TRPC4AP: variants seen among roughly 807,000 people sequenced by gnomAD.
The protein encoded by TRPC4AP is transient receptor potential cation channel subfamily C member 4 associated protein.
In TRPC4AP, 45 loss-of-function variants were observed where a neutral mutation model predicts 99.0. The ratio of observed to expected loss-of-function variants is 0.45; its 90% CI spans 0.36 to 0.58. The LOEUF is 0.58. Among genes scored for constraint, TRPC4AP ranks in the 20% least tolerant of loss-of-function variants. TRPC4AP has a pLI of 0.00. For synonymous variants in TRPC4AP, 408 were observed against 385.8 expected, an observed-to-expected ratio of 1.06 and a Z score of -0.67; for missense variants, 879 against 985.3, an observed-to-expected ratio of 0.89 and a Z score of 1.44.
chr20:35,074,472 T>C (rs549649469), intron 2 of TRPC4AP, among the ~76,000 whole-genome samples: 1 of 152,348 alleles, frequency 6.6e-6, no homozygotes, highest in South Asian at 2.1e-4. Context: ...ATGTCATGTC[T>C]TTGTTCTCAA....
chr20:35,085,336 G>T (rs974060338), intron 1 of TRPC4AP, among the ~76,000 whole-genome samples: 2 of 152,104 alleles, frequency 1.3e-5, no homozygotes, highest in Non-Finnish European at 2.9e-5. Context: ...ATTTGGGGCT[G>T]GGCACAGCGG....
At chr20:35,043,359 GC>G (rs1255507845) in intron 7 of TRPC4AP, among the ~76,000 whole-genome samples, 1 of 151,204 alleles carries the variant, frequency 6.6e-6, no homozygotes, top group African/African-American at 2.4e-5. Flanking sequence ...CAATTATCCT[GC>G]CTCAGCCTTC....
At chr20:35,056,865 A>G (rs1359201792) in intron 4 of TRPC4AP, among the ~76,000 whole-genome samples, 11 of 151,544 alleles carry the variant, frequency 7.3e-5, no homozygotes, top group African/African-American at 2.4e-4. Context: ...GGGCGCCTGT[A>G]ATCCCAGCTA....
At chr20:35,080,626 C>T (rs192859482) in intron 1 of TRPC4AP, among the ~76,000 whole-genome samples, 3 of 150,514 alleles carry the variant, frequency 2.0e-5, no homozygotes, top group African/African-American at 7.3e-5. Flanking sequence ...CCAGAATAAG[C>T]ATATCCAGAG....
intron 3 of TRPC4AP, among the ~76,000 whole-genome samples, chr20:35,068,533 C>T (rs1379962053): frequency 1.3e-5 from 2 of 152,036 alleles, no homozygotes; most frequent in African/African-American, 4.8e-5. Flanking sequence ...GAAACACTAA[C>T]CATTTAATTT....
chr20:35,080,804 G>GT (rs34370030), intron 1 of TRPC4AP, among the ~76,000 whole-genome samples: 125 of 49,524 alleles, frequency 2.5e-3, no homozygotes, highest in Non-Finnish European at 3.1e-3. Flanking sequence ...GTACACTTCA[G>GT]TTTTTTTTTT....
At chr20:35,092,213 G>A (rs991910483) in intron 1 of TRPC4AP, among the ~76,000 whole-genome samples, 2 of 151,840 alleles carry the variant, frequency 1.3e-5, no homozygotes, top group African/African-American at 4.8e-5. Flanking sequence ...TGAAATGCTC[G>A]GGAACCATTT....
intron 8 of TRPC4AP, among the ~76,000 whole-genome samples, chr20:35,024,273 C>A (rs764727299): frequency 9.2e-5 from 14 of 152,062 alleles, no homozygotes; most frequent in Non-Finnish European, 1.9e-4. Flanking sequence ...ATCTTCATCA[C>A]CCCCCAAAAG....
intron 2 of TRPC4AP, among the ~76,000 whole-genome samples, chr20:35,075,904 G>A (rs895204696): frequency 2.0e-5 from 3 of 152,144 alleles, no homozygotes; most frequent in Non-Finnish European, 4.4e-5. Flanking sequence ...CCAATCAGAC[G>A]TAGATTTGGT....
chr20:35,006,927 G>C (rs1318824611), intron 14 of TRPC4AP, among the ~76,000 whole-genome samples: 1 of 152,216 alleles, frequency 6.6e-6, no homozygotes, highest in East Asian at 1.9e-4. Flanking sequence ...CCTAAGCACT[G>C]AGGTCATTCA....
At chr20:35,066,548 GAT>G (rs2084149786) in intron 3 of TRPC4AP, among the ~76,000 whole-genome samples, 1 of 152,136 alleles carries the variant, frequency 6.6e-6, no homozygotes, top group Non-Finnish European at 1.5e-5. Context: ...GTTAAGGGCA[GAT>G]ATCTAGGGGA....
chr20:35,084,738 A>T (rs960362286), intron 1 of TRPC4AP, among the ~76,000 whole-genome samples: 1 of 145,408 alleles, frequency 6.9e-6, no homozygotes, highest in Non-Finnish European at 1.5e-5. Flanking sequence ...GTGTATATGT[A>T]TATATGTTTA....
At chr20:35,074,162 CTT>C in intron 2 of TRPC4AP, among the ~76,000 whole-genome samples, 1 of 151,982 alleles carries the variant, frequency 6.6e-6, no homozygotes, top group Non-Finnish European at 1.5e-5. Flanking sequence ...ATTCTTCTCT[CTT>C]TTCTTATTAG....
At chr20:35,024,125 A>G (rs1020620658) in intron 8 of TRPC4AP, among the ~76,000 whole-genome samples, 2 of 108,290 alleles carry the variant, frequency 1.8e-5, no homozygotes, top group African/African-American at 6.1e-5. Context: ...GGACATGCAC[A>G]CTCACTTTTT....
chr20:35,065,814 C>G (rs6060196), intron 3 of TRPC4AP, among the ~76,000 whole-genome samples: 110,450 of 152,066 alleles, frequency 0.73, 40,449 homozygotes, highest in Middle Eastern at 0.83. Flanking sequence ...ACACAGGCTA[C>G]AGACCTACAT....
Position 35,010,779 on chromosome 20 carries a change from A to C in TRPC4AP, c.1410-491T>G, listed in dbSNP as rs966615394. ...CCAGGACACCAGCTCCCTTTACTAA[A>C]AGGTATCCCACAGGAACTGAGTCAT... is the stretch of plus-strand genomic sequence containing the variant. On this transcript the variant is annotated intron_variant, in intron 11 of 18. Coordinates refer to ENST00000252015, the MANE Select transcript of TRPC4AP (RefSeq NM_015638.3). Among the ~76,000 whole-genome samples, 3 of 152,008 alleles carry C rather than the reference A, an allele frequency of 2.0e-5. 1 individual carries two copies. The highest frequency in any genetic ancestry group is 7.3e-5 in the African/African-American group (3 of 41,374).
chr20:35,007,469 G>T, intron 14 of TRPC4AP, 81 bp downstream of exon 14: 2 of 1,410,548 alleles, frequency 1.4e-6, no homozygotes, highest in Non-Finnish European at 2.0e-6. Flanking sequence ...CTGATGAACT[G>T]TTTGGGGCTC....
At position 35,006,156 on chromosome 20, in the gene TRPC4AP, C is replaced by T. The variant is rs534478946; in HGVS notation, c.1827+279G>A. Reference sequence around the variant, plus strand: ...GGCCCAGTCCCTCCCTACAGCGGCTCCCACCGTGGCACCCACCATGCTGCG... The same window carrying T: ...GGCCCAGTCCCTCCCTACAGCGGCTTCCACCGTGGCACCCACCATGCTGCG... On this transcript the variant is annotated intron_variant, in intron 15 of 18. Coordinates refer to ENST00000252015, the MANE Select transcript of TRPC4AP (RefSeq NM_015638.3). 8.2e-4 allele frequency among the ~76,000 whole-genome samples: 124 copies of T among 152,136 alleles called. 1 individual carries two copies. Among genetic ancestry groups the T allele is most frequent in the Non-Finnish European group, 1.4e-3 (93 of 67,992 alleles).
intron 1 of TRPC4AP, among the ~76,000 whole-genome samples, chr20:35,088,900 AAGG>A (rs2084960957): frequency 6.6e-6 from 1 of 152,186 alleles, no homozygotes; most frequent in Non-Finnish European, 1.5e-5. Flanking sequence ...CAAAAACAGA[AAGG>A]AGAAGAATGG....
Sources: gnomAD v4.1 joint callset for allele counts (sites outside exome capture counted in the v4.1 genomes callset) on GRCh38, gnomAD v4.1.1 for gene constraint, MANE v1.5 for transcripts, NCBI Gene and HGNC (gene_info 2026-07-23, HGNC 2026-07-21) for gene names.